The following PTPN21 variants were observed in gnomAD, a reference collection of about 807,000 sequenced individuals.
The protein encoded by PTPN21 is tyrosine-protein phosphatase non-receptor type 21.
A neutral mutation model predicts 131.8 loss-of-function variants in PTPN21; 77 were observed. The observed-to-expected ratio is 0.58, with a 90% CI of 0.49 to 0.71. The LOEUF is 0.71. Among genes scored for constraint, PTPN21 ranks in the 30% least tolerant of loss-of-function variants. PTPN21 has a pLI of 0.00. For synonymous variants in PTPN21, 715 were observed against 621.3 expected, an observed-to-expected ratio of 1.15 and a Z score of -2.24; for missense variants, 1,552 against 1,527.1, an observed-to-expected ratio of 1.02 and a Z score of -0.27.
intron 2 of PTPN21, among the ~76,000 whole-genome samples, chr14:88,526,770 C>T (rs2078484902): frequency 6.6e-6 from 1 of 152,012 alleles, no homozygotes; most frequent in African/African-American, 2.4e-5. Context: ...GTAGTGTACA[C>T]TGTACCCAAT....
At chr14:88,471,673 C>T (rs1039462482) in intron 15 of PTPN21, among the ~76,000 whole-genome samples, 1 of 152,144 alleles carries the variant, frequency 6.6e-6, no homozygotes, top group Admixed American at 6.5e-5. Context: ...AAGTTGAAAG[C>T]TTTTGTGAAC....
intron 13 of PTPN21, among the ~76,000 whole-genome samples, chr14:88,478,261 G>C (rs1299565516): frequency 6.6e-6 from 1 of 152,128 alleles, no homozygotes; most frequent in Admixed American, 6.5e-5. Context: ...TATTTATTAG[G>C]CTGAATATTA....
At chr14:88,471,724 A>G (rs1426601907) in intron 15 of PTPN21, among the ~76,000 whole-genome samples, 1 of 152,188 alleles carries the variant, frequency 6.6e-6, no homozygotes, top group Admixed American at 6.6e-5. Context: ...ATAAAAATGC[A>G]TGTCAGTATG....
At position 88,469,270 on chromosome 14, in the gene PTPN21, CA is replaced by C. The variant is rs1448299894; in HGVS notation, c.3236-195del. Among the ~76,000 whole-genome samples, 1 of 152,146 alleles carries C rather than the reference CA, an allele frequency of 6.6e-6. No homozygotes were observed. The highest frequency in any genetic ancestry group is 1.5e-5 in the Non-Finnish European group (1 of 68,030). Reference sequence around the variant, plus strand: ...CTACCTCTGTCCACTTTCTGATCTACAAAATGAAATGACGGAGATACTGAGT... The same window carrying C: ...CTACCTCTGTCCACTTTCTGATCTACAAATGAAATGACGGAGATACTGAGT... On this transcript the variant is annotated intron_variant, in intron 17 of 18. Coordinates refer to ENST00000556564, the MANE Select transcript of PTPN21 (RefSeq NM_007039.4). This position sits in a 1 kb window ranked among gnomAD's most constrained non-coding sequence, Gnocchi z 4.3.
intron 1 of PTPN21, among the ~76,000 whole-genome samples, chr14:88,554,396 T>G (rs985072015): frequency 6.6e-6 from 1 of 152,160 alleles, no homozygotes; most frequent in East Asian, 1.9e-4. Context: ...GATCCAGAAT[T>G]AACCCGCAAC....
chr14:88,473,701 T>G lies in PTPN21; in HGVS notation c.2613A>C (p.Gly871=). The G allele has an allele frequency of 6.2e-7, 1 of 1,613,364 alleles. No homozygotes were observed. Among genetic ancestry groups the G allele is most frequent in the East Asian group, 2.2e-5 (1 of 44,856 alleles). ...SLSRVPLPDE[G]KEVATRATND... is the part of the protein sequence containing the mutation. ...TCGTTGCTCTGGTAGCCACTTCCTTTCCTTCATCAGGCAGAGGCACTCGAG... is the reference window on the plus strand; with the variant it reads ...TCGTTGCTCTGGTAGCCACTTCCTTGCCTTCATCAGGCAGAGGCACTCGAG... Residue 871 remains glycine, a synonymous_variant, in exon 14 of 19, where the codon GGA becomes GGC. Transcript: ENST00000556564.
intron 1 of PTPN21, among the ~76,000 whole-genome samples, chr14:88,552,852 G>A (rs1470921100): frequency 6.6e-6 from 1 of 152,118 alleles, no homozygotes; most frequent in African/African-American, 2.4e-5. Flanking sequence ...CTAGAAAATT[G>A]ATAAACCAAG....
At chr14:88,539,507 C>T (rs1400424960) in intron 2 of PTPN21, among the ~76,000 whole-genome samples, 2 of 152,070 alleles carry the variant, frequency 1.3e-5, no homozygotes, top group Admixed American at 6.6e-5. Context: ...CTTGGCCTCC[C>T]GAACTGCCGG....
At chr14:88,486,854 T>C (rs192492324) in intron 10 of PTPN21, among the ~76,000 whole-genome samples, 1,672 of 151,308 alleles carry the variant, frequency 0.011, 23 homozygotes, top group Non-Finnish European at 0.017. Flanking sequence ...TGGGTGCCTA[T>C]AATCCCAGCT....
At chr14:88,487,922 C>T (rs1448746369) in intron 10 of PTPN21, among the ~76,000 whole-genome samples, 3 of 147,218 alleles carry the variant, frequency 2.0e-5, no homozygotes, top group African/African-American at 5.1e-5. Context: ...GCCGAGATCA[C>T]GCCACTGCAC....
chr14:88,468,938 A>G lies in PTPN21; in HGVS notation c.3374T>C (p.Ile1125Thr), dbSNP rs1442575504. Residue 1125 changes from isoleucine (I) to threonine (T), a missense_variant, in exon 18 of 19, where the codon ATC becomes ACC. Physicochemically the swap from Ile to Thr is moderately conservative, Grantham distance 89. Transcript: ENST00000556564. ...CACCTCATTGTGTTCCAGGCAGGCG[A>G]TCATGATCTCCGACAAAATCACCAC... Reference protein sequence around the residue: ...TGVVILSEIMIACLEHNEVLD... With the variant: ...TGVVILSEIMTACLEHNEVLD... 1 of 1,614,184 alleles carries G rather than the reference A, an allele frequency of 6.2e-7. No homozygotes were observed.
At chr14:88,513,741 T>C (rs988216568) in intron 3 of PTPN21, 1 of 152,266 alleles carries the variant, frequency 6.6e-6, no homozygotes, top group Non-Finnish European at 1.5e-5. Context: ...TAATATTTTG[T>C]TACGGCAGCC....
chr14:88,472,162 C>A, intron 15 of PTPN21, 82 bp downstream of exon 15: 1 of 790,272 alleles, frequency 1.3e-6, no homozygotes. Context: ...GAATTCTAAA[C>A]AGACATGAAT....
chr14:88,495,398 C>T (rs1358369426), intron 10 of PTPN21, among the ~76,000 whole-genome samples: 1 of 152,164 alleles, frequency 6.6e-6, no homozygotes, highest in South Asian at 2.1e-4. Context: ...CGGTGGCTCA[C>T]GCCTGTAATC....
At chr14:88,472,211 T>C (rs1566806759) in intron 15 of PTPN21, 33 bp downstream of exon 15, 2 of 1,162,078 alleles carry the variant, frequency 1.7e-6, no homozygotes, top group East Asian at 2.3e-5. Flanking sequence ...TGAAACTGCA[T>C]GTGCTGTTGA....
At chr14:88,527,584 G>C (rs926713250) in intron 2 of PTPN21, among the ~76,000 whole-genome samples, 9 of 152,120 alleles carry the variant, frequency 5.9e-5, no homozygotes, top group Non-Finnish European at 5.9e-5. Context: ...CAGTTTGCAA[G>C]TATTTTCTCC....
chr14:88,480,472 G>C, intron 12 of PTPN21, 120 bp from the exon 13 acceptor site: 1 of 816,290 alleles, frequency 1.2e-6, no homozygotes, highest in Non-Finnish European at 1.9e-6. Context: ...ATCCCCGCTA[G>C]AATGACCTAG....
intron 2 of PTPN21, among the ~76,000 whole-genome samples, chr14:88,535,583 A>G (rs2078619270): frequency 6.6e-6 from 1 of 152,200 alleles, no homozygotes. Context: ...TACTGATAAT[A>G]CTGAAAAGCA....
chr14:88,500,838 A>C lies in PTPN21; in HGVS notation c.709T>G (p.Cys237Gly), dbSNP rs199988571. The stretch of plus-strand genomic sequence containing the variant: ...TGTTTCACAAAGATACCTTCAAGAC[A>C]CGCTCCAATGGATATGTCACTTCCT... ...SQGSDISIGA[C>G]LEGIFVKHKN... Residue 237 changes from cysteine to glycine, a missense_variant, in exon 8 of 19, where the codon TGT becomes GGT. Physicochemically the swap from Cys to Gly is radical, Grantham distance 159. Around this residue, in one of 4 missense-constraint regions of PTPN21, gnomAD observed 1,016 missense variants for 883.5 expected, o/e 1.15. Coordinates refer to ENST00000556564, the MANE Select transcript of PTPN21 (RefSeq NM_007039.4). 1.9e-5 allele frequency: 31 copies of C among 1,613,942 alleles called. No homozygotes were observed. The East Asian group carries it at 5.6e-4, about 29-fold the overall frequency.
Sources: gnomAD v4.1 joint callset for allele counts (sites outside exome capture counted in the v4.1 genomes callset) on GRCh38, gnomAD v4.1.1 for gene constraint, gnomAD v4.1.1 regional missense constraint, Gnocchi (gnomAD v3.1) non-coding constraint, MANE v1.5 for transcripts, NCBI Gene and HGNC (gene_info 2026-07-23, HGNC 2026-07-21) for gene names.